The following MAF variants were observed in gnomAD, a reference collection of about 807,000 sequenced individuals.
The protein encoded by MAF is transcription factor Maf.
MAF carries 10 observed loss-of-function variants against 22.0 expected under a neutral mutation model. That is an observed-to-expected ratio of 0.45 (90% CI 0.28 to 0.77). The LOEUF is 0.77. Among genes scored for constraint, MAF ranks in the 30% least tolerant of loss-of-function variants. The pLI, the probability that MAF is intolerant of heterozygous loss-of-function variation, is 0.12. For missense variants in MAF, 544 were observed against 548.4 expected (o/e 0.99, Z 0.08); for synonymous variants, 337 against 255.8 (o/e 1.32, Z -3.03).
the MAF span, among the ~76,000 whole-genome samples, chr16:79,566,766 G>C: frequency 1.3e-5 from 2 of 152,110 alleles, no homozygotes; most frequent in Non-Finnish European, 2.9e-5. Flanking sequence ...TCCAGTTCCC[G>C]ACTCCTTCCA....
At chr16:79,414,881 G>T in the MAF span, among the ~76,000 whole-genome samples, 24,863 of 152,224 alleles carry the variant, frequency 0.16, 2,643 homozygotes, top group African/African-American at 0.29. Flanking sequence ...TTCATGTGTT[G>T]TCTTAGCATT....
At chr16:79,559,027 C>T in the MAF span, among the ~76,000 whole-genome samples, 9,697 of 152,214 alleles carry the variant, frequency 0.064, 383 homozygotes, top group Middle Eastern at 0.12. Context: ...TTTTCAATCT[C>T]GCCTGGTGGC....
chr16:79,440,951 G>C, the MAF span, among the ~76,000 whole-genome samples: 996 of 152,296 alleles, frequency 6.5e-3, 11 homozygotes, highest in African/African-American at 0.023. Flanking sequence ...GTAAATGCTT[G>C]TTGCTGACAT....
the MAF span, among the ~76,000 whole-genome samples, chr16:79,331,170 T>G: frequency 6.6e-6 from 1 of 152,164 alleles, no homozygotes; most frequent in African/African-American, 2.4e-5. Context: ...CAAATAGAGC[T>G]AATGCAGGCC....
At chr16:79,316,521 T>C in the MAF span, among the ~76,000 whole-genome samples, 8 of 152,210 alleles carry the variant, frequency 5.3e-5, no homozygotes, top group African/African-American at 1.7e-4. Flanking sequence ...GGGATAAATG[T>C]TACCTTCTTT....
At chr16:79,233,166 C>A in the MAF span, among the ~76,000 whole-genome samples, 1 of 151,910 alleles carries the variant, frequency 6.6e-6, no homozygotes, top group Non-Finnish European at 1.5e-5. Context: ...AATGACTACC[C>A]GTGCAGGTTT....
chr16:79,478,861 CA>C, the MAF span, among the ~76,000 whole-genome samples: 1 of 151,888 alleles, frequency 6.6e-6, no homozygotes, highest in East Asian at 1.9e-4. Flanking sequence ...ACCACACCAG[CA>C]TACCTATATA....
At chr16:79,471,583 A>T in the MAF span, among the ~76,000 whole-genome samples, 1 of 152,184 alleles carries the variant, frequency 6.6e-6, no homozygotes, top group East Asian at 1.9e-4. Flanking sequence ...CGGCTGAGGT[A>T]GGAGGATGGC....
chr16:79,353,354 G>A, the MAF span, among the ~76,000 whole-genome samples: 3 of 152,198 alleles, frequency 2.0e-5, no homozygotes, highest in East Asian at 5.8e-4. Context: ...GTCTTGAACT[G>A]CGAAGCTCAA....
At chr16:79,450,980 T>A in the MAF span, among the ~76,000 whole-genome samples, 1 of 152,176 alleles carries the variant, frequency 6.6e-6, no homozygotes, top group African/African-American at 2.4e-5. Context: ...GGATGATGTC[T>A]AGAGTTAATT....
At chr16:79,371,074 T>G in the MAF span, among the ~76,000 whole-genome samples, 1 of 152,194 alleles carries the variant, frequency 6.6e-6, no homozygotes, top group African/African-American at 2.4e-5. Flanking sequence ...TGAAGTCACT[T>G]AAGGGTACTC....
chr16:79,276,932 C>G, the MAF span, among the ~76,000 whole-genome samples: 1 of 152,264 alleles, frequency 6.6e-6, no homozygotes, highest in South Asian at 2.1e-4. Context: ...GCGGGCAATC[C>G]TTGACGTACT....
At chr16:79,509,338 T>A in the MAF span, among the ~76,000 whole-genome samples, 1 of 152,170 alleles carries the variant, frequency 6.6e-6, no homozygotes, top group Non-Finnish European at 1.5e-5. Flanking sequence ...GAGGAGGCAG[T>A]GAGGAAGGAA....
the MAF span, among the ~76,000 whole-genome samples, chr16:79,247,933 A>G: frequency 2.6e-4 from 40 of 152,268 alleles, no homozygotes; most frequent in Middle Eastern, 3.4e-3. Flanking sequence ...GTTTCCTTCT[A>G]AATGTGCTTA....
chr16:79,367,099 A>G, the MAF span, among the ~76,000 whole-genome samples: 1 of 152,054 alleles, frequency 6.6e-6, no homozygotes, highest in East Asian at 1.9e-4. Flanking sequence ...CGGCACTTTG[A>G]TTCTCCCTGA....
the MAF span, among the ~76,000 whole-genome samples, chr16:79,386,979 T>C: frequency 6.6e-6 from 1 of 152,352 alleles, no homozygotes; most frequent in Admixed American, 6.5e-5. Context: ...CGTTCAGCCA[T>C]TGAGCTGCTT....
At chr16:79,531,776 T>C in the MAF span, among the ~76,000 whole-genome samples, 1 of 152,140 alleles carries the variant, frequency 6.6e-6, no homozygotes, top group Non-Finnish European at 1.5e-5. Flanking sequence ...CATCACTCTT[T>C]CTGCTGTGTG....
chr16:79,457,339 A>G, the MAF span, among the ~76,000 whole-genome samples: 46 of 151,268 alleles, frequency 3.0e-4, no homozygotes, highest in South Asian at 9.2e-3. Flanking sequence ...GAGATGTAAA[A>G]CAGCAGCAGC....
intron 1 of MAF, 45 bp downstream of exon 1, chr16:79,598,740 G>C (rs766437100): frequency 6.2e-7 from 1 of 1,612,836 alleles, no homozygotes; most frequent in African/African-American, 1.3e-5. Flanking sequence ...GACCCCCGCG[G>C]AGCACTTATC....
Sources: gnomAD v4.1 joint callset for allele counts (sites outside exome capture counted in the v4.1 genomes callset) on GRCh38, gnomAD v4.1.1 for gene constraint, MANE v1.5 for transcripts, NCBI Gene and HGNC (gene_info 2026-07-23, HGNC 2026-07-21) for gene names.